RNF216: variants seen among roughly 807,000 people sequenced by gnomAD.
RNF216 encodes the protein ring finger protein 216.
Under a neutral mutation model 110.8 loss-of-function variants are expected in RNF216, and 72 were observed. The observed-to-expected ratio is 0.65, with a 90% CI of 0.54 to 0.79. RNF216 has a LOEUF of 0.79. RNF216 is among the 30% of genes least tolerant of loss of function. The pLI is 0.00. For synonymous variants in RNF216, 495 were observed against 407.5 expected (o/e 1.21, Z -2.59); for missense variants, 1,342 against 1,141.2 (o/e 1.18, Z -2.54).
At chr7:5,708,045 A>G (rs1792414694) in intron 13 of RNF216, among the ~76,000 whole-genome samples, 1 of 152,054 alleles carries the variant, frequency 6.6e-6, no homozygotes. Flanking sequence ...TAGTTCTCAT[A>G]CTTTGTGAAT....
intron 13 of RNF216, among the ~76,000 whole-genome samples, chr7:5,685,538 A>C (rs1790923276): frequency 6.6e-6 from 1 of 152,254 alleles, no homozygotes; most frequent in Non-Finnish European, 1.5e-5. Flanking sequence ...GGTGAACTAC[A>C]TCAAGGCAAA....
intron 5 of RNF216, among the ~76,000 whole-genome samples, chr7:5,738,087 CAAAAAAAAAAAA>C (rs200643372): frequency 0.82 from 92,326 of 112,042 alleles, 37,747 homozygotes; most frequent in Middle Eastern, 0.94. Flanking sequence ...AGACTGTCTC[CAAAAAAAAAAAA>C]AAAAAAAAAA....
rs1487952404 is a variant in RNF216, at chr7:5,624,791, G to A, written c.2383-666C>T. 6.6e-6 allele frequency among the ~76,000 whole-genome samples: 1 copy of A among 152,244 alleles called. No individual in the cohort carries two copies. Among genetic ancestry groups the A allele is most frequent in the African/African-American group, 2.4e-5 (1 of 41,468 alleles). ...GACACGAACCGAAGAGGCACTGTGA[G>A]TGCAGGCAGATGTGGGAGCTGTGCT... On this transcript the variant is annotated intron_variant, in intron 15 of 16. Coordinates refer to ENST00000389902, the MANE Select transcript of RNF216 (RefSeq NM_207111.4). This position sits in a 1 kb window ranked among gnomAD's most constrained non-coding sequence, Gnocchi z 4.4.
At chr7:5,670,658 C>T (rs892842644) in intron 13 of RNF216, among the ~76,000 whole-genome samples, 1 of 152,140 alleles carries the variant, frequency 6.6e-6, no homozygotes. Flanking sequence ...TCATGTCCGA[C>T]AACCTAAGGT....
At chr7:5,774,476 T>A (rs1402280104) in intron 1 of RNF216, among the ~76,000 whole-genome samples, 2 of 152,204 alleles carry the variant, frequency 1.3e-5, no homozygotes, top group South Asian at 2.1e-4. Flanking sequence ...AAAAACTTTT[T>A]AAAAACTAAA....
At chr7:5,697,015 C>A (rs1791672738) in intron 13 of RNF216, among the ~76,000 whole-genome samples, 1 of 152,182 alleles carries the variant, frequency 6.6e-6, no homozygotes, top group Non-Finnish European at 1.5e-5. Context: ...TAGGGGAAGT[C>A]TCCAAAATAA....
chr7:5,772,933 C>T (rs1398062933), intron 1 of RNF216, among the ~76,000 whole-genome samples: 1 of 152,044 alleles, frequency 6.6e-6, no homozygotes, highest in African/African-American at 2.4e-5. Context: ...CATGCGCCAC[C>T]ATGTCTGGCT....
At chr7:5,693,374 A>G (rs1456924519) in intron 13 of RNF216, among the ~76,000 whole-genome samples, 1 of 152,202 alleles carries the variant, frequency 6.6e-6, no homozygotes, top group African/African-American at 2.4e-5. Context: ...GCTGAACCTC[A>G]GTATGGATGC....
At chr7:5,768,613 GTCA>G (rs1014540732) in intron 1 of RNF216, among the ~76,000 whole-genome samples, 5 of 151,276 alleles carry the variant, frequency 3.3e-5, no homozygotes, top group Admixed American at 3.3e-4. Context: ...TCTGACAACA[GTCA>G]ATAAAAGATA....
intron 1 of RNF216, among the ~76,000 whole-genome samples, chr7:5,778,147 C>G (rs1465581155): frequency 6.6e-6 from 1 of 152,194 alleles, no homozygotes; most frequent in African/African-American, 2.4e-5. Context: ...CCATGGCCTA[C>G]AAAACGCTAC....
chr7:5,661,416 C>T lies in RNF216; in HGVS notation c.2062-8906G>A, dbSNP rs1299042333. Among the ~76,000 whole-genome samples, 2 of 152,334 alleles carry T rather than the reference C, an allele frequency of 1.3e-5. 1 individual carries two copies. Among genetic ancestry groups the T allele is most frequent in the Middle Eastern group, 6.8e-3 (2 of 294 alleles). ...AAATGAGACCTGCTAGGACTGAAAACTTACACATCTTCACAAAGGGTGCTT... is the reference window on the plus strand; with the variant it reads ...AAATGAGACCTGCTAGGACTGAAAATTTACACATCTTCACAAAGGGTGCTT... On this transcript the variant is annotated intron_variant, in intron 13 of 16. Coordinates refer to ENST00000389902, the MANE Select transcript of RNF216 (RefSeq NM_207111.4).
chr7:5,740,104 C>CTTTTTTTTTTTT (rs71004698), intron 4 of RNF216, among the ~76,000 whole-genome samples: 30 of 118,486 alleles, frequency 2.5e-4, no homozygotes, highest in Non-Finnish European at 3.8e-4. Flanking sequence ...GATGTAACAC[C>CTTTTTTTTTTTT]TTTTTTTTTT....
At chr7:5,762,993 G>A (rs1435221407) in intron 1 of RNF216, among the ~76,000 whole-genome samples, 1 of 152,080 alleles carries the variant, frequency 6.6e-6, no homozygotes, top group Non-Finnish European at 1.5e-5. Flanking sequence ...CATCTCCATG[G>A]ACCAGCAATG....
At chr7:5,724,452 T>C (rs1249114846) in intron 8 of RNF216, among the ~76,000 whole-genome samples, 2 of 152,226 alleles carry the variant, frequency 1.3e-5, no homozygotes, top group African/African-American at 4.8e-5. Context: ...TGTACAAGGA[T>C]GCCTGTTCTG....
intron 3 of RNF216, among the ~76,000 whole-genome samples, chr7:5,742,941 GGA>G (rs1794843793): frequency 6.6e-6 from 1 of 152,012 alleles, no homozygotes; most frequent in Admixed American, 6.6e-5. Flanking sequence ...GGTGAATTTA[GGA>G]GAGAAATTTG....
At chr7:5,735,860 C>T (rs910137733) in intron 5 of RNF216, among the ~76,000 whole-genome samples, 2 of 152,032 alleles carry the variant, frequency 1.3e-5, no homozygotes, top group East Asian at 1.9e-4. Context: ...TTTGGGAGGC[C>T]GAGGCAGATG....
chr7:5,714,989 A>G (rs1339498706), intron 11 of RNF216, 64 bp downstream of exon 11: 2 of 1,476,168 alleles, frequency 1.4e-6, no homozygotes, highest in Non-Finnish European at 1.8e-6. Context: ...TTATCTATCA[A>G]CATGGTCTCC....
At position 5,661,061 on chromosome 7, in the gene RNF216, T is replaced by A. The variant is rs1789104828; in HGVS notation, c.2062-8551A>T. The stretch of plus-strand genomic sequence containing the variant: ...GGTTCAAGATTCTCATGCCTCAGTC[T>A]CCCAAGTAGCTGGAATTACAGGTAT... On this transcript the variant is annotated intron_variant, in intron 13 of 16. Coordinates refer to ENST00000389902, the MANE Select transcript of RNF216 (RefSeq NM_207111.4). 2.0e-5 allele frequency among the ~76,000 whole-genome samples: 3 copies of A among 148,072 alleles called. No homozygotes were observed. In the Admixed American group the frequency reaches 2.1e-4, roughly 10 times the overall value.
rs372081090 is a variant in RNF216 at position 5,655,322 on chromosome 7, T to C, written c.2062-2812A>G. Among the ~76,000 whole-genome samples, 33 of 152,212 alleles carry C rather than the reference T, an allele frequency of 2.2e-4. 1 individual carries two copies. The East Asian group carries it at 2.5e-3, about 12-fold the overall frequency. ...GGGCCCGAGGGTCCCGGAGAACATA[T>C]CTGAAACGTCTTTTGAAAAGACTGT... On this transcript the variant is annotated intron_variant, in intron 13 of 16. Coordinates refer to ENST00000389902, the MANE Select transcript of RNF216 (RefSeq NM_207111.4).
Sources: gnomAD v4.1 joint callset for allele counts (sites outside exome capture counted in the v4.1 genomes callset) on GRCh38, gnomAD v4.1.1 for gene constraint, Gnocchi (gnomAD v3.1) non-coding constraint, MANE v1.5 for transcripts, NCBI Gene and HGNC (gene_info 2026-07-23, HGNC 2026-07-21) for gene names.